GTF2I: variants seen among roughly 807,000 people sequenced by gnomAD.
The protein encoded by GTF2I is general transcription factor IIi, also known as general transcription factor II-I.
Under a neutral mutation model 67.6 loss-of-function variants are expected in GTF2I, and 12 were observed. The observed-to-expected ratio is 0.18, with a 90% CI of 0.11 to 0.29. The LOEUF is 0.29. Among genes scored for constraint, GTF2I ranks in the 10% least tolerant of loss-of-function variants. GTF2I has a pLI of 1.00. For missense variants in GTF2I, 271 were observed against 580.1 expected (o/e 0.47, Z 5.47); for synonymous variants, 149 against 197.0 (o/e 0.76, Z 2.04).
At chr7:74,735,330 C>T (rs1794780472) in intron 16 of GTF2I, 131 bp from the exon 17 acceptor site, 3 of 75,208 alleles carry the variant, frequency 4.0e-5, no homozygotes, top group South Asian at 5.4e-5. Context: ...CACCTGGCCA[C>T]GAATCTTAGA....
Position 74,710,940 on chromosome 7 carries a change from G to C in GTF2I, c.686-92G>C, listed in dbSNP as rs1554402396. 9.8e-5 allele frequency: 61 copies of C among 619,926 alleles called. No individual in the cohort carries two copies. The East Asian group carries it at 2.0e-3, about 20-fold the overall frequency. The allele number at this position is 619,926 out of a possible 1,614,324, so 38.4% of individuals were successfully genotyped here. A position where few individuals can be genotyped will look rare whatever the true frequency, so the allele number is the denominator to read the frequency against. ...TCTTTACTTAAAATAAATATGCATT[G>C]CTGTATTTATAGGGAGGGCAGAGAG... On this transcript the variant is annotated intron_variant, in intron 8 of 34. Coordinates refer to ENST00000573035, the MANE Select transcript of GTF2I (RefSeq NM_032999.4).
intron 1 of GTF2I, among the ~76,000 whole-genome samples, chr7:74,667,486 A>G (rs1805080688): frequency 6.6e-6 from 1 of 152,096 alleles, no homozygotes; most frequent in Non-Finnish European, 1.5e-5. Flanking sequence ...TTGTGGTAAC[A>G]TATACTTAAC....
intron 1 of GTF2I, among the ~76,000 whole-genome samples, chr7:74,660,367 T>C (rs1014711969): frequency 2.0e-5 from 3 of 151,804 alleles, no homozygotes; most frequent in African/African-American, 7.3e-5. Context: ...AATATTTGTA[T>C]TTTTAATAGA....
intron 8 of GTF2I, among the ~76,000 whole-genome samples, chr7:74,706,833 T>C (rs1011765618): frequency 4.6e-5 from 7 of 152,122 alleles, no homozygotes; most frequent in Non-Finnish European, 1.0e-4. Context: ...TCAAATAAAA[T>C]TGCTATTTAA....
At position 74,692,909 on chromosome 7, in the gene GTF2I, T is replaced by G. The variant is rs189454154; in HGVS notation, c.238+1798T>G. On this transcript the variant is annotated intron_variant, in intron 3 of 34. Transcript: ENST00000573035. ...TCCCGAGTAGCTGGGATTACAGGCA[T>G]GCACCACCACACCCAGCTAGTTTTG... is the stretch of plus-strand genomic sequence containing the variant. Among the ~76,000 whole-genome samples the G allele has an allele frequency of 2.6e-5, 4 of 152,186 alleles. No homozygotes were observed. The East Asian group carries it at 7.7e-4, about 29-fold the overall frequency.
intron 1 of GTF2I, among the ~76,000 whole-genome samples, chr7:74,680,602 C>T (rs1554393913): frequency 6.6e-6 from 1 of 151,912 alleles, no homozygotes; most frequent in African/African-American, 2.4e-5. Flanking sequence ...ATTAGCCGGG[C>T]GTGGTGCTGC....
At chr7:74,659,821 G>A (rs947368248) in intron 1 of GTF2I, among the ~76,000 whole-genome samples, 2 of 152,176 alleles carry the variant, frequency 1.3e-5, no homozygotes, top group African/African-American at 4.8e-5. Context: ...GGGAGTACAG[G>A]CTTGAGCCAC....
chr7:74,677,717 G>A (rs1216846084), intron 1 of GTF2I, among the ~76,000 whole-genome samples: 1 of 147,342 alleles, frequency 6.8e-6, no homozygotes, highest in African/African-American at 2.5e-5. Flanking sequence ...AGGAGGCGGA[G>A]GTTGCAGTGA....
chr7:74,736,906 C>CT (rs1464125310), intron 18 of GTF2I, among the ~76,000 whole-genome samples: 1 of 108,366 alleles, frequency 9.2e-6, no homozygotes, highest in Admixed American at 9.4e-5. Context: ...GAAAAATGCA[C>CT]TGAAGGCCGG....
In GTF2I at chr7:74,718,900, C is replaced by T; in HGVS notation, c.902C>T (p.Ser301Leu). The T allele has an allele frequency of 6.4e-7, 1 of 1,565,214 alleles. No homozygotes were observed. ...PAEDSTQHVPSETSEDPEVEV... is the reference protein window; with the variant it reads ...PAEDSTQHVPLETSEDPEVEV... ...CAAGATTCTACTCAACATGTCCCTT[C>T]AGAAACAAGTGAGGACCCTGAAGTT... Residue 301 changes from serine to leucine, a missense_variant, in exon 12 of 35, where the codon TCA becomes TTA. Physicochemically the swap from Ser to Leu is moderately radical, Grantham distance 145 (BLOSUM62 -2). Around this residue, in one of 9 missense-constraint regions of GTF2I, gnomAD observed 124 missense variants for 147.0 expected, o/e 0.84. Transcript: ENST00000573035.
intron 3 of GTF2I, among the ~76,000 whole-genome samples, chr7:74,694,367 G>A (rs190166379): frequency 1.3e-5 from 2 of 152,292 alleles, no homozygotes; most frequent in Admixed American, 6.5e-5. Context: ...TGGGCAGATC[G>A]TCTGAGCTCA....
intron 6 of GTF2I, among the ~76,000 whole-genome samples, chr7:74,704,855 TA>T (rs35715710): frequency 0.054 from 4,156 of 76,872 alleles, 131 homozygotes; most frequent in Non-Finnish European, 0.06. Context: ...ACCCTGTTTC[TA>T]AAAAAAAAAA....
At chr7:74,659,793 T>C (rs937202250) in intron 1 of GTF2I, among the ~76,000 whole-genome samples, 25 of 152,162 alleles carry the variant, frequency 1.6e-4, no homozygotes, top group African/African-American at 5.8e-4. Context: ...TCCTCCCGTT[T>C]AGGCCTCCCA....
chr7:74,683,870 AAACTT>A (rs1281382378), intron 1 of GTF2I, among the ~76,000 whole-genome samples: 1 of 152,128 alleles, frequency 6.6e-6, no homozygotes, highest in East Asian at 1.9e-4. Context: ...AAGAAAAAAA[AAACTT>A]AAAAACTCGT....
rs1554396225 is a variant in GTF2I, at chr7:74,689,173, G to A, written c.45G>A (p.Glu15=). The A allele has an allele frequency of 6.2e-7, 1 of 1,613,152 alleles. No homozygotes were observed. Among genetic ancestry groups the A allele is most frequent in the Non-Finnish European group, 8.5e-7 (1 of 1,179,308 alleles). The part of the protein sequence containing the change: ...AMSTLPVEDE[E]SSESRMVVTF... Reference sequence around the variant, plus strand: ...CCACCCTCCCCGTTGAAGATGAGGAGTCCTCGGAGAGCAGGATGGTGGTGA... The same window carrying A: ...CCACCCTCCCCGTTGAAGATGAGGAATCCTCGGAGAGCAGGATGGTGGTGA... Residue 15 remains glutamate (E), a synonymous_variant, in exon 2 of 35, where the codon GAG becomes GAA. Coordinates refer to ENST00000573035, the MANE Select transcript of GTF2I (RefSeq NM_032999.4).
rs377650658 is a variant in GTF2I at position 74,689,218 on chromosome 7, C to G, written c.90C>G (p.Leu30=). The change falls in exon 2 of 35, where the codon CTC becomes CTG. Residue 30 remains leucine (L), a synonymous_variant. Transcript: ENST00000573035. ...RMVVTFLMSA[L]ESMCKELAKS... ...TGGTGACATTCCTCATGTCAGCTCT[C>G]GAGTCCATGGTGAGGCCTTCTGTTC... 3 of 1,591,188 alleles carry G rather than the reference C, an allele frequency of 1.9e-6. No homozygotes were observed. The highest frequency in any genetic ancestry group is 1.1e-5 in the South Asian group (1 of 90,664).
At chr7:74,676,872 A>G (rs1805948946) in intron 1 of GTF2I, among the ~76,000 whole-genome samples, 1 of 152,132 alleles carries the variant, frequency 6.6e-6, no homozygotes, top group African/African-American at 2.4e-5. Context: ...CCTGGCCAAC[A>G]TGGGGAAACC....
chr7:74,711,894 G>A (rs1053573405), intron 9 of GTF2I, among the ~76,000 whole-genome samples: 6 of 151,628 alleles, frequency 4.0e-5, no homozygotes, highest in Admixed American at 1.3e-4. Flanking sequence ...TACAAATAGA[G>A]GTACTATGAA....
At chr7:74,690,851 C>A in intron 2 of GTF2I, 122 bp from the exon 3 acceptor site, 1 of 927,310 alleles carries the variant, frequency 1.1e-6, no homozygotes, top group South Asian at 1.5e-5. Flanking sequence ...TAAAATCAGG[C>A]CAAAAACTAT....
Sources: gnomAD v4.1 joint callset for allele counts (sites outside exome capture counted in the v4.1 genomes callset) on GRCh38, gnomAD v4.1.1 for gene constraint, gnomAD v4.1.1 regional missense constraint, MANE v1.5 for transcripts, NCBI Gene and HGNC (gene_info 2026-07-23, HGNC 2026-07-21) for gene names.